Variants in SIAH2 observed in about 807,000 individuals in gnomAD.
The protein encoded by SIAH2 is E3 ubiquitin-protein ligase SIAH2.
A neutral mutation model predicts 20.4 loss-of-function variants in SIAH2; 4 were observed. That is an observed-to-expected ratio of 0.20 (90% confidence interval 0.10 to 0.45). The LOEUF (loss-of-function observed/expected upper bound fraction) is 0.45. SIAH2 is among the 20% of genes least tolerant of loss of function. The pLI is 0.99. For missense variants in SIAH2, 259 were observed against 440.3 expected (o/e 0.59, Z 3.69); for synonymous variants, 171 against 192.5 (o/e 0.89, Z 0.93).
chr3:150,757,267 A>T (rs1019820773), intron 1 of SIAH2, among the ~76,000 whole-genome samples: 1 of 152,150 alleles, frequency 6.6e-6, no homozygotes. Flanking sequence ...ATATTTTAAA[A>T]TTTTAGGGTA....
rs1186213463 is a variant in SIAH2 at position 150,741,764 on chromosome 3, A to G, written c.*377T>C. The G allele has an allele frequency of 1.7e-5, 3 of 172,720 alleles. No homozygotes were observed. The highest frequency in any genetic ancestry group is 3.7e-5 in the Non-Finnish European group (3 of 81,634). The allele number at this position is 172,720 out of a possible 1,614,324, so 10.7% of individuals were successfully genotyped here. On this transcript the variant is annotated 3_prime_UTR_variant, in exon 2 of 2. Transcript: ENST00000312960. ...CAAACAAAAGTAAAGGAATCTGCTG[A>G]CAGTCACTGTGCTTTTGTCAATGTC...
chr3:150,762,638 T>C lies in SIAH2; in HGVS notation c.212A>G (p.His71Arg). 6.3e-7 allele frequency: 1 copy of C among 1,578,568 alleles called. No homozygotes were observed. The highest frequency in any genetic ancestry group is 8.6e-7 in the Non-Finnish European group (1 of 1,166,360). Residue 71 changes from histidine (H) to arginine (R), a missense_variant, in exon 1 of 2, where the codon CAC (histidine) becomes CGC (arginine). Physicochemically the swap from His to Arg is conservative, Grantham distance 29. Coordinates refer to ENST00000312960, the MANE Select transcript of SIAH2 (RefSeq NM_005067.7). The surrounding 1 kb of genome is among the most constrained non-coding windows in gnomAD (Gnocchi z 6.6). ...GGGAGPVSPQ[H>R]HELTSLFECP... ...CTCGAAGAGCGAGGTCAGCTCGTGG[T>C]GCTGCGGGGACACCGGGCCGGCCCC...
chr3:150,755,184 G>A (rs965282396), intron 1 of SIAH2, among the ~76,000 whole-genome samples: 14 of 152,080 alleles, frequency 9.2e-5, no homozygotes, highest in African/African-American at 3.1e-4. Flanking sequence ...ATGAGGGGCT[G>A]CCCTCAAAAC....
At chr3:150,748,353 G>A (rs1218410221) in intron 1 of SIAH2, among the ~76,000 whole-genome samples, 2 of 152,186 alleles carry the variant, frequency 1.3e-5, no homozygotes, top group African/African-American at 4.8e-5. Flanking sequence ...GTCACATTAT[G>A]TTTACTTATG....
At chr3:150,747,597 C>T (rs1714248163) in intron 1 of SIAH2, among the ~76,000 whole-genome samples, 3 of 151,940 alleles carry the variant, frequency 2.0e-5, no homozygotes, top group Admixed American at 2.0e-4. Flanking sequence ...TTTAAGTAAA[C>T]ATCTCTAAAG....
Position 150,741,127 on chromosome 3 carries a change from C to T in SIAH2, c.*1014G>A, listed in dbSNP as rs1053573457. On this transcript the variant is annotated 3_prime_UTR_variant, in exon 2 of 2. Transcript: ENST00000312960. ...AATTAGGGAAATGAAGCACAATATC[C>T]ATTTTTGGAAAATATTTATTAAAAA... The T allele has an allele frequency of 6.6e-6, 1 of 152,566 alleles. No individual in the cohort carries two copies. Among genetic ancestry groups the T allele is most frequent in the Non-Finnish European group, 1.5e-5 (1 of 68,024 alleles). The allele number at this position is 152,566 out of a possible 1,614,324, so 9.5% of individuals were successfully genotyped here.
rs534302320 is a variant in SIAH2 at position 150,749,530 on chromosome 3, A to G, written c.418-6832T>C. Among the ~76,000 whole-genome samples the G allele has an allele frequency of 4.6e-5, 7 of 152,292 alleles. No homozygotes were observed. The East Asian group carries it at 9.6e-4, about 21-fold the overall frequency. On this transcript the variant is annotated intron_variant, in intron 1 of 1. Transcript: ENST00000312960. ...CTCAAAAATACATACATAAAAACATACTAAAGAATCCAGGGACCGAGTTAG... is the reference window on the plus strand; with the variant it reads ...CTCAAAAATACATACATAAAAACATGCTAAAGAATCCAGGGACCGAGTTAG...
Position 150,762,185 on chromosome 3 carries a change from G to A in SIAH2, c.417+248C>T, listed in dbSNP as rs1331018756. ...GCGGGCATTGGGCCGGGTGAGCTAC[G>A]ATGTTCTAACGATCAGCAAATGCCA... On this transcript the variant is annotated intron_variant, in intron 1 of 1. Transcript: ENST00000312960. The surrounding 1 kb of genome is among the most constrained non-coding windows in gnomAD (Gnocchi z 6.6). 2.9e-6 allele frequency: 2 copies of A among 682,880 alleles called. No individual in the cohort carries two copies. Among genetic ancestry groups the A allele is most frequent in the Non-Finnish European group, 2.2e-6 (1 of 451,224 alleles). 42.3% of individuals were successfully genotyped at this position (682,880 alleles called of 1,614,324 possible).
chr3:150,743,333 T>C (rs570410523), intron 1 of SIAH2, among the ~76,000 whole-genome samples: 49 of 152,374 alleles, frequency 3.2e-4, no homozygotes, highest in African/African-American at 1.1e-3. Context: ...CTTTTGACCT[T>C]CCCTCTGGGG....
In SIAH2 at chr3:150,762,197, A is replaced by G; in HGVS notation, c.417+236T>C. ...CCGGGTGAGCTACGATGTTCTAACG[A>G]TCAGCAAATGCCAATTAATCTGTTA... On this transcript the variant is annotated intron_variant, in intron 1 of 1. Transcript: ENST00000312960. This position sits in a 1 kb window ranked among gnomAD's most constrained non-coding sequence, Gnocchi z 6.6. 6.2e-6 allele frequency: 5 copies of G among 800,754 alleles called. No individual in the cohort carries two copies. In the South Asian group the frequency reaches 7.8e-5, roughly 12 times the overall value. 49.6% of individuals were successfully genotyped at this position (800,754 alleles called of 1,614,324 possible). A position where few individuals can be genotyped will look rare whatever the true frequency, so the allele number is the denominator to read the frequency against.
intron 1 of SIAH2, among the ~76,000 whole-genome samples, chr3:150,745,056 C>G (rs1332775602): frequency 6.6e-6 from 1 of 152,098 alleles, no homozygotes; most frequent in Non-Finnish European, 1.5e-5. Context: ...TCATAAGGAT[C>G]TTGCTACATC....
chr3:150,745,697 G>A (rs1287013454), intron 1 of SIAH2, among the ~76,000 whole-genome samples: 9 of 151,992 alleles, frequency 5.9e-5, no homozygotes, highest in South Asian at 2.1e-4. Flanking sequence ...GGGTCTCACC[G>A]TGTTAGCCAG....
At chr3:150,751,512 C>T (rs943896744) in intron 1 of SIAH2, among the ~76,000 whole-genome samples, 5 of 152,112 alleles carry the variant, frequency 3.3e-5, no homozygotes, top group African/African-American at 1.2e-4. Flanking sequence ...TATTACTCAG[C>T]ACTAGAACTG....
rs1714110648 is a variant in SIAH2 at position 150,742,313 on chromosome 3, T to C, written c.803A>G (p.Asn268Ser). ...AENFAYRLEL[N>S]GNRRRLTWEA... ...CCAGGTCAATCTCCGCCGGTTCCCA[T>C]TCAACTCCAGTCTGTAGGCAAAGTT... Residue 268 changes from asparagine (N) to serine (S), a missense_variant, in exon 2 of 2, where the codon AAT becomes AGT. Asn to Ser is a conservative substitution (Grantham distance 46, BLOSUM62 1). Transcript: ENST00000312960. The surrounding 1 kb of genome is among the most constrained non-coding windows in gnomAD (Gnocchi z 4.8). 1 of 1,614,162 alleles carries C rather than the reference T, an allele frequency of 6.2e-7. No homozygotes were observed. Among genetic ancestry groups the C allele is most frequent in the Non-Finnish European group, 8.5e-7 (1 of 1,180,038 alleles).
chr3:150,749,189 G>A (rs1049153107), intron 1 of SIAH2, among the ~76,000 whole-genome samples: 1 of 152,120 alleles, frequency 6.6e-6, no homozygotes, highest in East Asian at 1.9e-4. Flanking sequence ...TGCTGTGTAA[G>A]TATGAAATCA....
chr3:150,762,167 T>G lies in SIAH2; in HGVS notation c.417+266A>C. The G allele has an allele frequency of 3.7e-6, 2 of 539,344 alleles. No individual in the cohort carries two copies. The highest frequency in any genetic ancestry group is 6.0e-6 in the Non-Finnish European group (2 of 333,258). The allele number at this position is 539,344 out of a possible 1,614,324, so 33.4% of individuals were successfully genotyped here. A position where few individuals can be genotyped will look rare whatever the true frequency, so the allele number is the denominator to read the frequency against. On this transcript the variant is annotated intron_variant, in intron 1 of 1. Transcript: ENST00000312960. The surrounding 1 kb of genome is among the most constrained non-coding windows in gnomAD (Gnocchi z 6.6). The stretch of plus-strand genomic sequence containing the variant: ...TACACGTCTGCAGAGGACGCGGGCA[T>G]TGGGCCGGGTGAGCTACGATGTTCT...
At position 150,755,064 on chromosome 3, in the gene SIAH2, G is replaced by A. The variant is rs1381262685; in HGVS notation, c.417+7369C>T. 3.3e-5 allele frequency among the ~76,000 whole-genome samples: 5 copies of A among 152,058 alleles called. No homozygotes were observed. In the East Asian group the frequency reaches 9.6e-4, roughly 29 times the overall value. On this transcript the variant is annotated intron_variant, in intron 1 of 1. Transcript: ENST00000312960. ...TTTATTTAGTGCCTGGGCTGTGTCA[G>A]GCACTTTGCATGAATTATTAGTGTG...
chr3:150,751,582 T>C (rs1179716379), intron 1 of SIAH2, among the ~76,000 whole-genome samples: 1 of 152,214 alleles, frequency 6.6e-6, no homozygotes, highest in Non-Finnish European at 1.5e-5. Flanking sequence ...CTGTTCACTT[T>C]ACTAAATTTC....
At chr3:150,756,416 A>C (rs568928814) in intron 1 of SIAH2, among the ~76,000 whole-genome samples, 1 of 152,340 alleles carries the variant, frequency 6.6e-6, no homozygotes, top group Admixed American at 6.5e-5. Context: ...AAATTTTGTC[A>C]GAAGCAAAAT....
Sources: allele counts gnomAD v4.1 joint callset (sites outside exome capture counted in the v4.1 genomes callset), GRCh38; gene constraint gnomAD v4.1.1; non-coding constraint Gnocchi (gnomAD v3.1); transcripts MANE v1.5; gene names NCBI Gene and HGNC (gene_info 2026-07-23, HGNC 2026-07-21).